MEMO1: variants seen among roughly 807,000 people sequenced by gnomAD.
MEMO1 encodes the protein mediator of cell motility 1, also known as protein MEMO1.
Under a neutral mutation model 45.2 loss-of-function variants are expected in MEMO1, and 6 were observed. The ratio of observed to expected loss-of-function variants is 0.13; its 90% CI spans 0.07 to 0.26. The LOEUF (loss-of-function observed/expected upper bound fraction) is 0.26, where lower values mean the gene tolerates loss of function less well. MEMO1 is among the 10% of genes least tolerant of loss of function. The probability of loss-of-function intolerance (pLI) is 1.00; values close to 1 mark genes in which losing one functional copy is unlikely to be tolerated. For synonymous variants in MEMO1, 78 were observed against 124.3 expected, an observed-to-expected ratio of 0.63 and a Z score of 2.48; for missense variants, 184 against 370.5, an observed-to-expected ratio of 0.50 and a Z score of 4.13.
chr2:31,946,054 T>A (rs1666158993), intron 2 of MEMO1, among the ~76,000 whole-genome samples: 1 of 152,236 alleles, frequency 6.6e-6, no homozygotes, highest in South Asian at 2.1e-4. Context: ...TATTAAAAAC[T>A]GAAATTGTTT....
At chr2:31,912,374 A>G (rs555366802) in intron 6 of MEMO1, among the ~76,000 whole-genome samples, 335 of 151,868 alleles carry the variant, frequency 2.2e-3, no homozygotes, top group African/African-American at 7.4e-3. Context: ...TTAGCTGGGC[A>G]TGGTGGCACT....
chr2:32,009,552 G>A (rs1421202043), intron 2 of MEMO1, among the ~76,000 whole-genome samples: 2 of 152,204 alleles, frequency 1.3e-5, no homozygotes, highest in African/African-American at 2.4e-5. Flanking sequence ...AAGGTGCGGG[G>A]AAACGCTGCC....
chr2:31,908,334 G>A (rs1029489989), intron 6 of MEMO1, among the ~76,000 whole-genome samples: 1 of 151,874 alleles, frequency 6.6e-6, no homozygotes, highest in African/African-American at 2.4e-5. Flanking sequence ...AAGATTTCAG[G>A]AAACTTCAGA....
chr2:31,892,194 A>T (rs1395528592), intron 6 of MEMO1, 60 bp from the exon 7 acceptor site: 1 of 1,456,422 alleles, frequency 6.9e-7, no homozygotes, highest in Non-Finnish European at 9.4e-7. Context: ...AAGTTTTCCA[A>T]ATGTGTTGGC....
At chr2:31,964,800 T>C (rs1023290583) in intron 2 of MEMO1, among the ~76,000 whole-genome samples, 2 of 152,170 alleles carry the variant, frequency 1.3e-5, no homozygotes, top group Non-Finnish European at 2.9e-5. Flanking sequence ...ACAGTGATAA[T>C]AGTATTGTGG....
chr2:31,869,489 T>C (rs935136715), intron 9 of MEMO1, among the ~76,000 whole-genome samples: 3 of 152,072 alleles, frequency 2.0e-5, no homozygotes, highest in African/African-American at 7.2e-5. Context: ...CTTCCACTTA[T>C]TTTTTATAGA....
chr2:32,006,445 T>A (rs1674078812), intron 2 of MEMO1, among the ~76,000 whole-genome samples: 1 of 152,208 alleles, frequency 6.6e-6, no homozygotes, highest in African/African-American at 2.4e-5. Context: ...TGGCTAGGGT[T>A]TGGCAAATTT....
intron 2 of MEMO1, among the ~76,000 whole-genome samples, chr2:31,994,056 GT>G (rs1270967529): frequency 2.1e-5 from 3 of 142,036 alleles, no homozygotes; most frequent in African/African-American, 7.8e-5. Flanking sequence ...TGCCTCCCAG[GT>G]TCAAGTGATT....
intron 2 of MEMO1, among the ~76,000 whole-genome samples, chr2:32,000,552 G>A (rs1222800715): frequency 6.7e-6 from 1 of 150,368 alleles, no homozygotes; most frequent in Non-Finnish European, 1.5e-5. Flanking sequence ...TTTTAGTAAA[G>A]ACAGGGTTTC....
At chr2:31,935,139 C>G (rs1211541690) in intron 3 of MEMO1, among the ~76,000 whole-genome samples, 1 of 152,044 alleles carries the variant, frequency 6.6e-6, no homozygotes, top group South Asian at 2.1e-4. Flanking sequence ...GAAACTAAAA[C>G]AGAGAGGTTA....
intron 2 of MEMO1, among the ~76,000 whole-genome samples, chr2:31,950,417 C>T (rs1666711543): frequency 1.3e-5 from 2 of 149,970 alleles, no homozygotes; most frequent in Non-Finnish European, 3.0e-5. Context: ...AATGAACAAG[C>T]AATTAAAAGG....
At chr2:31,870,903 G>T (rs1419072647) in intron 8 of MEMO1, among the ~76,000 whole-genome samples, 1 of 152,122 alleles carries the variant, frequency 6.6e-6, no homozygotes, top group African/African-American at 2.4e-5. Context: ...TTATGAACAA[G>T]ATTAATAATA....
intron 7 of MEMO1, among the ~76,000 whole-genome samples, chr2:31,885,426 T>C (rs114753722): frequency 0.016 from 2,454 of 152,342 alleles, 54 homozygotes; most frequent in African/African-American, 0.055. Context: ...AGCCTGACAC[T>C]ATTTTTCTCA....
chr2:31,869,725 G>A, intron 9 of MEMO1, 123 bp downstream of exon 9: 1 of 988,736 alleles, frequency 1.0e-6, no homozygotes, highest in Non-Finnish European at 1.4e-6. Context: ...TTATATTAAA[G>A]ATACTAAAAA....
intron 2 of MEMO1, among the ~76,000 whole-genome samples, chr2:31,993,953 T>C (rs868257113): frequency 4.2e-4 from 50 of 119,456 alleles, no homozygotes; most frequent in South Asian, 1.9e-3. Flanking sequence ...TACTTTCTTT[T>C]TTTTTTTTTT....
intron 6 of MEMO1, among the ~76,000 whole-genome samples, chr2:31,901,201 T>C (rs1348136169): frequency 2.0e-5 from 3 of 151,620 alleles, no homozygotes; most frequent in African/African-American, 4.8e-5. Context: ...GGCGAAACCC[T>C]GTCTCTACTA....
chr2:31,894,523 C>T (rs141737039), intron 6 of MEMO1, among the ~76,000 whole-genome samples: 223 of 152,212 alleles, frequency 1.5e-3, no homozygotes, highest in African/African-American at 5.1e-3. Context: ...ATAAATTTTC[C>T]ACACATCCTG....
chr2:31,887,417 A>G (rs1010935773), intron 7 of MEMO1, among the ~76,000 whole-genome samples: 2 of 152,194 alleles, frequency 1.3e-5, no homozygotes, highest in Non-Finnish European at 2.9e-5. Context: ...TAAAATAAAA[A>G]TTATACTGTC....
At chr2:31,905,054 T>C (rs112960406) in intron 6 of MEMO1, among the ~76,000 whole-genome samples, 22,745 of 151,968 alleles carry the variant, frequency 0.15, 1,953 homozygotes, top group African/African-American at 0.22. Flanking sequence ...GGCAACATGG[T>C]GAAACCCCAT....
Sources: gnomAD v4.1 joint callset for allele counts (sites outside exome capture counted in the v4.1 genomes callset) on GRCh38, gnomAD v4.1.1 for gene constraint, MANE v1.5 for transcripts, NCBI Gene and HGNC (gene_info 2026-07-23, HGNC 2026-07-21) for gene names.